The following PPP2R2B variants were observed in gnomAD, a reference collection of about 807,000 sequenced individuals.
The protein encoded by PPP2R2B is protein phosphatase 2 regulatory subunit Bbeta.
In PPP2R2B, 5 loss-of-function variants were observed where a neutral mutation model predicts 46.0. The observed-to-expected ratio is 0.11, with a 90% CI of 0.06 to 0.23. PPP2R2B has a LOEUF of 0.23. Ranked by LOEUF, PPP2R2B falls within the 10% of genes least tolerant of loss-of-function variation. The probability of loss-of-function intolerance (pLI) is 1.00; values close to 1 mark genes in which losing one functional copy is unlikely to be tolerated. For missense variants in PPP2R2B, 367 were observed against 575.0 expected (o/e 0.64, Z 3.70); for synonymous variants, 215 against 206.7 (o/e 1.04, Z -0.34).
At chr5:146,921,688 ATATCAGTTCATCTCTGCTTCTCTG>A (rs1763613766) in intron 1 of PPP2R2B, among the ~76,000 whole-genome samples, 1 of 152,026 alleles carries the variant, frequency 6.6e-6, no homozygotes, top group Non-Finnish European at 1.5e-5. Flanking sequence ...GTGAACTTCT[ATATCAGTTCATCTCTGCTTCTCTG>A]TATCAGTTCA....
intron 1 of PPP2R2B, among the ~76,000 whole-genome samples, chr5:146,888,738 A>G (rs78559100): frequency 0.011 from 1,653 of 152,132 alleles, 59 homozygotes; most frequent in East Asian, 0.097. Context: ...ACCACTCCCT[A>G]TAGACATGGA....
intron 1 of PPP2R2B, among the ~76,000 whole-genome samples, chr5:147,001,490 AG>A (rs1754175470): frequency 6.6e-6 from 1 of 152,136 alleles, no homozygotes; most frequent in African/African-American, 2.4e-5. Flanking sequence ...ACCAGAAGGA[AG>A]AAACTCTGGA....
intron 1 of PPP2R2B, among the ~76,000 whole-genome samples, chr5:146,992,690 T>C (rs1355872978): frequency 6.6e-6 from 1 of 152,166 alleles, no homozygotes; most frequent in Non-Finnish European, 1.5e-5. Context: ...CATTACAACA[T>C]AGTTGGGATA....
At position 146,985,820 on chromosome 5, in the gene PPP2R2B, C is replaced by T. The variant is rs781055303; in HGVS notation, c.79+69845G>A. ...GATGACATAATTTTATATAAAAATC[C>T]TAAGACTCCTTCAAAAAACTGTTAA... On this transcript the variant is annotated intron_variant, in intron 1 of 8. Transcript: ENST00000336640. Among the ~76,000 whole-genome samples the T allele has an allele frequency of 6.5e-4, 99 of 152,032 alleles. 2 individuals are homozygous for T. The highest frequency in any genetic ancestry group is 1.2e-3 in the Non-Finnish European group (79 of 67,960).
chr5:146,657,031 C>T (rs1776378003), intron 5 of PPP2R2B, among the ~76,000 whole-genome samples: 1 of 152,224 alleles, frequency 6.6e-6, no homozygotes, highest in Non-Finnish European at 1.5e-5. Context: ...TTGGTGACCA[C>T]ACCAGCGATT....
At chr5:146,736,517 T>A (rs1581985797) in intron 2 of PPP2R2B, among the ~76,000 whole-genome samples, 1 of 152,232 alleles carries the variant, frequency 6.6e-6, no homozygotes, top group East Asian at 1.9e-4. Context: ...GATGCTGACA[T>A]CCAAACCTCA....
At chr5:147,064,443 C>T (rs747529667) in intron 2 of PPP2R2B, among the ~76,000 whole-genome samples, 15 of 152,128 alleles carry the variant, frequency 9.9e-5, no homozygotes, top group Non-Finnish European at 2.2e-4. Context: ...TGAATATCCC[C>T]GGGGGTGCAA....
upstream of PPP2R2B, among the ~76,000 whole-genome samples, chr5:147,057,715 C>T (rs1757134167): frequency 6.6e-6 from 1 of 152,180 alleles, no homozygotes; most frequent in African/African-American, 2.4e-5. Flanking sequence ...CTATGCCATA[C>T]ACCAACCTAA....
chr5:146,659,675 G>A (rs1776561818), intron 5 of PPP2R2B, among the ~76,000 whole-genome samples: 1 of 152,164 alleles, frequency 6.6e-6, no homozygotes, highest in Non-Finnish European at 1.5e-5. Flanking sequence ...GCCTTATGAA[G>A]TAGGTACTAA....
intron 2 of PPP2R2B, among the ~76,000 whole-genome samples, chr5:146,823,135 C>T (rs1035949140): frequency 1.3e-5 from 2 of 152,174 alleles, no homozygotes; most frequent in African/African-American, 4.8e-5. Flanking sequence ...CTGGAGATTT[C>T]ATCTGACAGC....
chr5:147,041,539 G>A (rs1249239735), intron 1 of PPP2R2B, among the ~76,000 whole-genome samples: 2 of 152,016 alleles, frequency 1.3e-5, no homozygotes, highest in Admixed American at 1.3e-4. Context: ...AGGAGACTAC[G>A]CAAAGTTCAG....
chr5:146,856,636 AC>A (rs1760687881), intron 2 of PPP2R2B: 1 of 1,296,182 alleles, frequency 7.7e-7, no homozygotes, highest in Non-Finnish European at 1.1e-6. Context: ...TGATGCTTCA[AC>A]TTTTGGTAAC....
At chr5:146,934,096 G>A (rs922724553) in intron 1 of PPP2R2B, among the ~76,000 whole-genome samples, 2 of 152,032 alleles carry the variant, frequency 1.3e-5, no homozygotes, top group Admixed American at 1.3e-4. Flanking sequence ...GGACATTTGG[G>A]TTGGTTCCAA....
intron 7 of PPP2R2B, among the ~76,000 whole-genome samples, chr5:146,629,222 T>C (rs1302309601): frequency 1.3e-5 from 2 of 152,238 alleles, no homozygotes; most frequent in African/African-American, 4.8e-5. Flanking sequence ...CATCTCAATC[T>C]GGACACATCC....
chr5:146,916,956 A>G (rs997756249), intron 1 of PPP2R2B, among the ~76,000 whole-genome samples: 4 of 152,222 alleles, frequency 2.6e-5, no homozygotes, highest in Non-Finnish European at 5.9e-5. Context: ...TTATACAAAT[A>G]TAAGTAATTA....
chr5:147,047,781 T>G (rs1756610785), intron 1 of PPP2R2B, among the ~76,000 whole-genome samples: 1 of 152,202 alleles, frequency 6.6e-6, no homozygotes, highest in Non-Finnish European at 1.5e-5. Context: ...CAACATAGTT[T>G]CACTGAACAC....
chr5:146,883,153 A>C (rs1418993201), upstream of PPP2R2B, among the ~76,000 whole-genome samples: 1 of 152,236 alleles, frequency 6.6e-6, no homozygotes, highest in Non-Finnish European at 1.5e-5. Context: ...GTCCCAGCTC[A>C]GGCATTTATA....
intron 1 of PPP2R2B, among the ~76,000 whole-genome samples, chr5:146,937,895 G>C (rs1050217418): frequency 1.3e-5 from 2 of 152,118 alleles, no homozygotes; most frequent in Non-Finnish European, 2.9e-5. Context: ...TTTTTATGCA[G>C]TGACCTTCCT....
intron 1 of PPP2R2B, among the ~76,000 whole-genome samples, chr5:146,914,903 C>T (rs1224905497): frequency 1.3e-5 from 2 of 152,124 alleles, no homozygotes; most frequent in African/African-American, 4.8e-5. Flanking sequence ...CCTACTAGTC[C>T]TCCACTTTCA....
Sources: allele counts gnomAD v4.1 joint callset (sites outside exome capture counted in the v4.1 genomes callset), GRCh38; gene constraint gnomAD v4.1.1; transcripts MANE v1.5; gene names NCBI Gene and HGNC (gene_info 2026-07-23, HGNC 2026-07-21).